Variants in LOXL2 observed in about 807,000 individuals in gnomAD.
LOXL2 encodes the protein lysyl oxidase like 2.
In LOXL2, 70 loss-of-function variants were observed where a neutral mutation model predicts 93.0. The ratio of observed to expected loss-of-function variants is 0.75; its 90% CI spans 0.62 to 0.92. The LOEUF (loss-of-function observed/expected upper bound fraction) is 0.92. LOXL2 is among the 40% of genes least tolerant of loss of function. LOXL2 has a pLI of 0.00. For synonymous variants in LOXL2, 438 were observed against 413.2 expected (o/e 1.06, Z -0.73); for missense variants, 973 against 1,054.9 (o/e 0.92, Z 1.08).
chr8:23,342,433 CT>C (rs1178917449), intron 3 of LOXL2, among the ~76,000 whole-genome samples: 220 of 137,270 alleles, frequency 1.6e-3, no homozygotes, highest in Middle Eastern at 3.8e-3. Context: ...TTTTCTTTTT[CT>C]TTTTTTTTTT....
intron 1 of LOXL2, among the ~76,000 whole-genome samples, chr8:23,381,816 T>C (rs929733957): frequency 2.0e-5 from 3 of 152,242 alleles, no homozygotes; most frequent in African/African-American, 7.2e-5. Flanking sequence ...TGGGCACCAA[T>C]GTTGTCCCCT....
intron 1 of LOXL2, among the ~76,000 whole-genome samples, chr8:23,381,118 C>A (rs1804676157): frequency 7.2e-6 from 1 of 139,690 alleles, no homozygotes; most frequent in African/African-American, 2.7e-5. Flanking sequence ...GTACACATTT[C>A]CTTTTAAAAA....
At chr8:23,363,882 T>A (rs1453754428) in intron 2 of LOXL2, 1 of 152,210 alleles carries the variant, frequency 6.6e-6, no homozygotes, top group East Asian at 1.9e-4. Flanking sequence ...ACAAAATTTT[T>A]TTTGTTTTTT....
At chr8:23,318,920 C>T (rs534787374) in intron 8 of LOXL2, among the ~76,000 whole-genome samples, 27 of 152,322 alleles carry the variant, frequency 1.8e-4, no homozygotes, top group Admixed American at 3.9e-4. Context: ...ATTGGAGCAA[C>T]CTGGGACCCA....
At chr8:23,332,706 A>C (rs1184582879) in intron 5 of LOXL2, among the ~76,000 whole-genome samples, 7 of 60,290 alleles carry the variant, frequency 1.2e-4, no homozygotes, top group Non-Finnish European at 1.7e-4. Context: ...ACACACTCAT[A>C]CACATGCACT....
intron 1 of LOXL2, among the ~76,000 whole-genome samples, chr8:23,386,689 T>C (rs960452905): frequency 1.7e-5 from 2 of 114,322 alleles, no homozygotes; most frequent in Non-Finnish European, 4.3e-5. Flanking sequence ...TGTCTCAACA[T>C]TGACAGTCTA....
intron 3 of LOXL2, among the ~76,000 whole-genome samples, chr8:23,350,724 C>T (rs574188890): frequency 1.3e-5 from 2 of 152,288 alleles, no homozygotes; most frequent in Admixed American, 6.5e-5. Context: ...CTGACACCCC[C>T]AAAGGAAAGA....
At position 23,367,988 on chromosome 8, in the gene LOXL2, A is replaced by T; in HGVS notation, c.355+9T>A. The T allele has an allele frequency of 6.2e-7, 1 of 1,605,802 alleles. No individual in the cohort carries two copies. The highest frequency in any genetic ancestry group is 1.1e-5 in the South Asian group (1 of 90,274). Reference sequence around the variant, plus strand: ...GACAGCACTCAGATCCAAAGCACAGAGCGTTTACCTTCTCCCTTGCCGTAG... The same window carrying T: ...GACAGCACTCAGATCCAAAGCACAGTGCGTTTACCTTCTCCCTTGCCGTAG... On this transcript the variant is annotated intron_variant, in intron 2 of 13. Transcript: ENST00000389131.
chr8:23,359,976 G>A, intron 3 of LOXL2, 114 bp downstream of exon 3: 1 of 959,062 alleles, frequency 1.0e-6, no homozygotes, highest in South Asian at 1.6e-5. Flanking sequence ...CCCATTGGGT[G>A]AGGTACCCTC....
At chr8:23,319,582 A>C (rs923390770) in intron 8 of LOXL2, among the ~76,000 whole-genome samples, 11 of 152,156 alleles carry the variant, frequency 7.2e-5, no homozygotes, top group Admixed American at 5.9e-4. Context: ...CCCCAGGATC[A>C]GTCTTGAGCC....
chr8:23,306,841 A>T (rs1264301000), intron 10 of LOXL2, among the ~76,000 whole-genome samples: 5 of 152,220 alleles, frequency 3.3e-5, no homozygotes, highest in Non-Finnish European at 5.9e-5. Flanking sequence ...GTGCCAGTTG[A>T]GCAGCGGTGG....
intron 10 of LOXL2, among the ~76,000 whole-genome samples, chr8:23,304,865 G>A (rs1200711910): frequency 4.6e-5 from 7 of 152,200 alleles, no homozygotes; most frequent in African/African-American, 9.6e-5. Context: ...TGGGGGCACG[G>A]GGAACGGGGA....
chr8:23,308,048 G>C (rs185525904), intron 10 of LOXL2, among the ~76,000 whole-genome samples: 1 of 149,702 alleles, frequency 6.7e-6, no homozygotes, highest in Non-Finnish European at 1.5e-5. Flanking sequence ...AGACAGGCCC[G>C]AGCCGGGATT....
chr8:23,349,893 T>C (rs1804061788), intron 3 of LOXL2, among the ~76,000 whole-genome samples: 1 of 152,122 alleles, frequency 6.6e-6, no homozygotes, highest in African/African-American at 2.4e-5. Flanking sequence ...TTAGCTTAGC[T>C]AGACATGCTG....
intron 3 of LOXL2, among the ~76,000 whole-genome samples, chr8:23,349,230 C>A (rs1804049872): frequency 6.6e-6 from 1 of 152,182 alleles, no homozygotes; most frequent in Admixed American, 6.5e-5. Context: ...TAGGCCTGTG[C>A]TGTCTCCTCG....
chr8:23,334,279 T>A, intron 4 of LOXL2, among the ~76,000 whole-genome samples: 1 of 152,270 alleles, frequency 6.6e-6, no homozygotes. Flanking sequence ...TCTCAAATGA[T>A]CTGCCTGCCT....
rs541784342 is a variant in LOXL2, at chr8:23,341,108, C to G, written c.627G>C (p.Lys209Asn). Residue 209 changes from lysine (K) to asparagine (N), a missense_variant, in exon 4 of 14, where the codon AAG (lysine) becomes AAC (asparagine). Lys to Asn is a moderately conservative substitution (Grantham distance 94). Coordinates refer to ENST00000389131, the MANE Select transcript of LOXL2 (RefSeq NM_002318.3). The part of the protein sequence containing the change: ...TPVMEGYVEV[K>N]EGKTWKQICD... ...AGATCTGCTTCCAGGTCTTGCCCTC[C>G]TTCACCTCCACGTAGCCCTCCATCA... 8 of 1,614,070 alleles carry G rather than the reference C, an allele frequency of 5.0e-6. No homozygotes were observed. The Admixed American group carries it at 1.2e-4, about 24-fold the overall frequency.
chr8:23,342,126 T>C (rs77391049), intron 3 of LOXL2, among the ~76,000 whole-genome samples: 3,330 of 152,220 alleles, frequency 0.022, 125 homozygotes, highest in East Asian at 0.13. Flanking sequence ...CACGTGGGTG[T>C]TCCCCCTCCC....
chr8:23,385,662 G>C, intron 1 of LOXL2: 5 of 468,830 alleles, frequency 1.1e-5, no homozygotes, highest in Non-Finnish European at 1.9e-5. Context: ...GAAGTGCTAA[G>C]ACAGGTATTT....
Sources: gnomAD v4.1 joint callset for allele counts (sites outside exome capture counted in the v4.1 genomes callset) on GRCh38, gnomAD v4.1.1 for gene constraint, MANE v1.5 for transcripts, NCBI Gene and HGNC (gene_info 2026-07-23, HGNC 2026-07-21) for gene names.